EXOC6B: variants seen among roughly 807,000 people sequenced by gnomAD.
EXOC6B encodes exocyst complex component 6B.
Under a neutral mutation model 113.5 loss-of-function variants are expected in EXOC6B, and 54 were observed. The ratio of observed to expected loss-of-function variants is 0.48; its 90% CI spans 0.38 to 0.60. The LOEUF (loss-of-function observed/expected upper bound fraction) is 0.60, where lower values mean the gene tolerates loss of function less well. Among genes scored for constraint, EXOC6B ranks in the 20% least tolerant of loss-of-function variants. EXOC6B has a pLI of 0.00. For synonymous variants in EXOC6B, 357 were observed against 339.0 expected, an observed-to-expected ratio of 1.05 and a Z score of -0.58; for missense variants, 797 against 977.5, an observed-to-expected ratio of 0.82 and a Z score of 2.46.
At chr2:72,391,794 C>T (rs927039678) in intron 18 of EXOC6B, among the ~76,000 whole-genome samples, 2 of 152,104 alleles carry the variant, frequency 1.3e-5, no homozygotes, top group Admixed American at 6.5e-5. Flanking sequence ...GTAATCCCAA[C>T]TACTTGGAAA....
intron 20 of EXOC6B, among the ~76,000 whole-genome samples, chr2:72,229,930 T>A (rs560853613): frequency 6.6e-6 from 1 of 152,190 alleles, no homozygotes; most frequent in South Asian, 2.1e-4. Flanking sequence ...GGTATTCCCA[T>A]CTCAAAGCAT....
intron 6 of EXOC6B, among the ~76,000 whole-genome samples, chr2:72,582,172 T>C (rs995930292): frequency 2.6e-5 from 4 of 151,850 alleles, no homozygotes; most frequent in African/African-American, 7.3e-5. Flanking sequence ...GAAATATATA[T>C]ATATGGGCAA....
chr2:72,431,159 A>G (rs1318602340), intron 18 of EXOC6B, among the ~76,000 whole-genome samples: 1 of 152,166 alleles, frequency 6.6e-6, no homozygotes, highest in South Asian at 2.1e-4. Context: ...TAAGTATTAT[A>G]ATTTTTAGCG....
intron 8 of EXOC6B, among the ~76,000 whole-genome samples, chr2:72,551,509 CTT>C (rs796570008): frequency 4.5e-5 from 5 of 110,010 alleles, no homozygotes; most frequent in Admixed American, 2.0e-4. Context: ...ATAATAAAAT[CTT>C]TTTTTTTTTT....
intron 20 of EXOC6B, among the ~76,000 whole-genome samples, chr2:72,259,600 C>A (rs572708134): frequency 6.6e-6 from 1 of 152,288 alleles, no homozygotes; most frequent in Non-Finnish European, 1.5e-5. Flanking sequence ...TAAGAAACTG[C>A]CAAACCATTT....
intron 6 of EXOC6B, among the ~76,000 whole-genome samples, chr2:72,606,784 T>G (rs1327266001): frequency 6.6e-6 from 1 of 151,982 alleles, no homozygotes; most frequent in Non-Finnish European, 1.5e-5. Context: ...CTAATTTTTG[T>G]ATTTTTAGTA....
chr2:72,628,960 C>G (rs1184464232), intron 6 of EXOC6B, among the ~76,000 whole-genome samples: 1 of 152,160 alleles, frequency 6.6e-6, no homozygotes, highest in Non-Finnish European at 1.5e-5. Context: ...CTTCCTCTAT[C>G]CATGTAATAT....
chr2:72,281,345 T>A (rs1685116082), intron 20 of EXOC6B, among the ~76,000 whole-genome samples: 1 of 152,068 alleles, frequency 6.6e-6, no homozygotes, highest in Non-Finnish European at 1.5e-5. Flanking sequence ...ATCAGACTTA[T>A]CAAGAACAGA....
intron 6 of EXOC6B, among the ~76,000 whole-genome samples, chr2:72,593,634 T>C (rs997297797): frequency 9.0e-6 from 1 of 111,360 alleles, no homozygotes; most frequent in Non-Finnish European, 1.8e-5. Flanking sequence ...CAAAAACCAA[T>C]AGGGATCTTA....
chr2:72,549,877 G>A (rs1703114411), intron 8 of EXOC6B, among the ~76,000 whole-genome samples: 1 of 152,116 alleles, frequency 6.6e-6, no homozygotes, highest in Non-Finnish European at 1.5e-5. Context: ...GGCTGGTAGA[G>A]AATTAGAAAA....
intron 1 of EXOC6B, among the ~76,000 whole-genome samples, chr2:72,767,122 T>C (rs1432361015): frequency 6.6e-6 from 1 of 152,128 alleles, no homozygotes; most frequent in Non-Finnish European, 1.5e-5. Context: ...ACTATTTTTA[T>C]GCTCTCAAAA....
chr2:72,487,636 G>A (rs983514120), intron 16 of EXOC6B, among the ~76,000 whole-genome samples: 1 of 152,178 alleles, frequency 6.6e-6, no homozygotes, highest in Admixed American at 6.5e-5. Context: ...TGGGATCACA[G>A]GCGTGAGCCA....
intron 6 of EXOC6B, among the ~76,000 whole-genome samples, chr2:72,601,348 A>G (rs867859608): frequency 6.6e-6 from 1 of 151,868 alleles, no homozygotes; most frequent in Non-Finnish European, 1.5e-5. Flanking sequence ...ATGCCCAGCT[A>G]ATTTTTTTGT....
At chr2:72,627,371 C>T (rs1181094582) in intron 6 of EXOC6B, among the ~76,000 whole-genome samples, 1 of 152,116 alleles carries the variant, frequency 6.6e-6, no homozygotes, top group Non-Finnish European at 1.5e-5. Flanking sequence ...CATCAGAGAC[C>T]ATTGCCTGAC....
At chr2:72,702,014 G>C (rs1334871740) in intron 6 of EXOC6B, among the ~76,000 whole-genome samples, 1 of 150,936 alleles carries the variant, frequency 6.6e-6, no homozygotes, top group Non-Finnish European at 1.5e-5. Flanking sequence ...CTGGTGCGCT[G>C]CACCCACTAA....
chr2:72,252,499 C>CA (rs1437509154), intron 20 of EXOC6B, among the ~76,000 whole-genome samples: 3 of 151,954 alleles, frequency 2.0e-5, no homozygotes, highest in African/African-American at 4.8e-5. Context: ...AACAAACAAA[C>CA]AAAAAACAGA....
intron 8 of EXOC6B, chr2:72,515,594 C>T: frequency 1.0e-6 from 1 of 998,818 alleles, no homozygotes; most frequent in Non-Finnish European, 1.2e-6. Context: ...AGTATTCCCC[C>T]TTAGGTTATA....
intron 19 of EXOC6B, among the ~76,000 whole-genome samples, chr2:72,360,497 T>C (rs1043208076): frequency 7.9e-5 from 12 of 152,198 alleles, no homozygotes; most frequent in African/African-American, 2.2e-4. Flanking sequence ...AAGTCACTTA[T>C]GACCATGTTC....
At chr2:72,373,336 T>C (rs1029158356) in intron 19 of EXOC6B, among the ~76,000 whole-genome samples, 2 of 152,104 alleles carry the variant, frequency 1.3e-5, no homozygotes, top group African/African-American at 4.8e-5. Flanking sequence ...ATTATAGGCA[T>C]GAGCCACCGT....
Sources: allele counts gnomAD v4.1 joint callset (sites outside exome capture counted in the v4.1 genomes callset), GRCh38; gene constraint gnomAD v4.1.1; transcripts MANE v1.5; gene names NCBI Gene and HGNC (gene_info 2026-07-23, HGNC 2026-07-21).